MYO1B: variants seen among roughly 807,000 people sequenced by gnomAD.
MYO1B encodes the protein myosin IB.
A neutral mutation model predicts 159.7 loss-of-function variants in MYO1B; 72 were observed. The observed-to-expected ratio is 0.45, with a 90% confidence interval of 0.37 to 0.55. MYO1B has a LOEUF of 0.55. Among genes scored for constraint, MYO1B ranks in the 20% least tolerant of loss-of-function variants. The pLI is 0.00. For synonymous variants in MYO1B, 468 were observed against 473.8 expected, an observed-to-expected ratio of 0.99 and a Z score of 0.16; for missense variants, 1,062 against 1,364.8, an observed-to-expected ratio of 0.78 and a Z score of 3.50.
At chr2:191,254,516 T>A (rs1343459574) in intron 1 of MYO1B, among the ~76,000 whole-genome samples, 1 of 152,004 alleles carries the variant, frequency 6.6e-6, no homozygotes, top group South Asian at 2.1e-4. Flanking sequence ...GGCCTCTTTT[T>A]TTTTTTTAGA....
chr2:191,285,029 G>T (rs1356608140), intron 2 of MYO1B, among the ~76,000 whole-genome samples: 1 of 152,088 alleles, frequency 6.6e-6, no homozygotes, highest in Non-Finnish European at 1.5e-5. Flanking sequence ...AGCAGTTCCT[G>T]TGTTTCATAG....
At chr2:191,400,657 C>CTA in intron 22 of MYO1B, 92 bp from the exon 23 acceptor site, 1 of 1,439,172 alleles carries the variant, frequency 6.9e-7, no homozygotes, top group Non-Finnish European at 9.6e-7. Flanking sequence ...TTGGTGGTGA[C>CTA]TAGTGTCTCT....
At chr2:191,398,448 G>A (rs75962379) in intron 21 of MYO1B, among the ~76,000 whole-genome samples, 105,395 of 126,638 alleles carry the variant, frequency 0.83, 46,789 homozygotes, top group East Asian at 0.99. Flanking sequence ...CCTCCCGGAC[G>A]GAGACGCTCC....
chr2:191,341,032 G>T (rs895360151), intron 4 of MYO1B, among the ~76,000 whole-genome samples: 2 of 152,216 alleles, frequency 1.3e-5, no homozygotes, highest in East Asian at 1.9e-4. Flanking sequence ...CCGAGCAAAC[G>T]ACTTGGAACT....
intron 7 of MYO1B, among the ~76,000 whole-genome samples, chr2:191,355,211 G>A (rs1433401400): frequency 1.3e-5 from 2 of 152,194 alleles, no homozygotes; most frequent in African/African-American, 2.4e-5. Flanking sequence ...TAGCCCAGAC[G>A]GCTGCCAGCC....
At chr2:191,344,991 A>G (rs2125967018) in intron 5 of MYO1B, among the ~76,000 whole-genome samples, 1 of 152,338 alleles carries the variant, frequency 6.6e-6, no homozygotes, top group Middle Eastern at 3.4e-3. Context: ...AAGTCAGACC[A>G]GATTTTAGCC....
At chr2:191,371,140 A>C (rs1290215158) in intron 13 of MYO1B, 1 of 152,166 alleles carries the variant, frequency 6.6e-6, no homozygotes, top group Non-Finnish European at 1.5e-5. Flanking sequence ...GTGGTATTTT[A>C]GTTTGGTTCA....
rs148293865 is a variant in MYO1B, at chr2:191,343,991, T to C, written c.452-2245T>C. Among the ~76,000 whole-genome samples the C allele has an allele frequency of 1.1e-3, 172 of 152,370 alleles. 2 individuals carry two copies. In the East Asian group the frequency reaches 0.025, roughly 23 times the overall value. ...TAGTGTTTAGGGTTGTGTTTAGTAA[T>C]GTGCAACTCAGATTTGTTTGATGAA... On this transcript the variant is annotated intron_variant, in intron 5 of 30. Coordinates refer to ENST00000392318, the MANE Select transcript of MYO1B (RefSeq NM_001130158.3).
intron 3 of MYO1B, among the ~76,000 whole-genome samples, chr2:191,320,369 C>A (rs914383344): frequency 1.3e-5 from 2 of 152,144 alleles, no homozygotes; most frequent in African/African-American, 4.8e-5. Context: ...TCCCAGAATG[C>A]TTCCTTCTTT....
chr2:191,289,915 CTGTGTA>C (rs1225869136), intron 2 of MYO1B, among the ~76,000 whole-genome samples: 1 of 152,166 alleles, frequency 6.6e-6, no homozygotes, highest in Non-Finnish European at 1.5e-5. Flanking sequence ...TCTGACTGTT[CTGTGTA>C]TGTGTGCTAA....
chr2:191,353,456 G>A (rs13407517), intron 7 of MYO1B, among the ~76,000 whole-genome samples: 3,368 of 152,254 alleles, frequency 0.022, 114 homozygotes, highest in African/African-American at 0.075. Flanking sequence ...AGAAATATAC[G>A]CTATGAAGAA....
intron 7 of MYO1B, among the ~76,000 whole-genome samples, chr2:191,355,701 G>A (rs1266516051): frequency 6.6e-6 from 1 of 152,196 alleles, no homozygotes; most frequent in Non-Finnish European, 1.5e-5. Context: ...AGCCCTCTGT[G>A]CACGGCCGTT....
intron 13 of MYO1B, among the ~76,000 whole-genome samples, chr2:191,374,960 T>C (rs966123722): frequency 6.6e-6 from 1 of 152,242 alleles, no homozygotes; most frequent in Non-Finnish European, 1.5e-5. Context: ...TCTACATTGA[T>C]TTCAGCTCGT....
chr2:191,292,730 C>T (rs900675918), intron 2 of MYO1B, among the ~76,000 whole-genome samples: 2 of 152,116 alleles, frequency 1.3e-5, no homozygotes, highest in Admixed American at 6.6e-5. Flanking sequence ...AGGAGGAAGT[C>T]CATTCTGATG....
At position 191,381,533 on chromosome 2, in the gene MYO1B, T is replaced by C; in HGVS notation, c.1257T>C (p.Thr419=). Reference sequence around the variant, plus strand: ...TGCAACAAATCTTCATTGAACTTACTCTTAAAGAAGAGCAGGAGGAGTATA... The same window carrying C: ...TGCAACAAATCTTCATTGAACTTACCCTTAAAGAAGAGCAGGAGGAGTATA... The part of the protein sequence containing the change: ...EKLQQIFIEL[T]LKEEQEEYIR... Residue 419 remains threonine, a synonymous_variant, in exon 14 of 31, where the codon ACT becomes ACC. Transcript: ENST00000392318. The C allele has an allele frequency of 1.9e-6, 3 of 1,613,224 alleles. No individual in the cohort carries two copies. Among genetic ancestry groups the C allele is most frequent in the Non-Finnish European group, 2.5e-6 (3 of 1,179,514 alleles).
intron 7 of MYO1B, among the ~76,000 whole-genome samples, chr2:191,353,214 C>T (rs1391788938): frequency 6.6e-6 from 1 of 152,084 alleles, no homozygotes; most frequent in Non-Finnish European, 1.5e-5. Context: ...GAAGCACATC[C>T]AAATGTTTAG....
chr2:191,248,039 T>A (rs528607523), intron 1 of MYO1B: 2 of 985,140 alleles, frequency 2.0e-6, no homozygotes, highest in South Asian at 9.4e-5. Flanking sequence ...TAAGAAGGGA[T>A]CTTCAGCATG....
chr2:191,272,940 A>G (rs561735700), intron 1 of MYO1B, among the ~76,000 whole-genome samples: 59 of 152,276 alleles, frequency 3.9e-4, no homozygotes, highest in African/African-American at 1.4e-3. Flanking sequence ...TTACTAGGTA[A>G]AATGCTTTTT....
intron 30 of MYO1B, among the ~76,000 whole-genome samples, chr2:191,419,440 G>A (rs564133430): frequency 6.6e-6 from 1 of 151,898 alleles, no homozygotes; most frequent in African/African-American, 2.4e-5. Flanking sequence ...GGATGGTCTC[G>A]ATCTCCTGAC....
Sources: gnomAD v4.1 joint callset for allele counts (sites outside exome capture counted in the v4.1 genomes callset) on GRCh38, gnomAD v4.1.1 for gene constraint, MANE v1.5 for transcripts, NCBI Gene and HGNC (gene_info 2026-07-23, HGNC 2026-07-21) for gene names.